CAMKMT: variants seen among roughly 807,000 people sequenced by gnomAD.
CAMKMT encodes the protein calmodulin-lysine N-methyltransferase, also known as CaM KMT.
A neutral mutation model predicts 48.0 loss-of-function variants in CAMKMT; 53 were observed. The observed-to-expected ratio is 1.10, with a 90% CI of 0.89 to 1.39. CAMKMT has a LOEUF of 1.39. Ranked by LOEUF, CAMKMT falls within the 40% of genes most tolerant of loss-of-function variation. The probability of loss-of-function intolerance (pLI) is 0.00; values close to 1 mark genes in which losing one functional copy is unlikely to be tolerated. For synonymous variants in CAMKMT, 165 were observed against 152.3 expected (o/e 1.08, Z -0.61); for missense variants, 428 against 402.7 (o/e 1.06, Z -0.54).
chr2:44,742,254 G>T (rs2104370627), intron 7 of CAMKMT, among the ~76,000 whole-genome samples: 1 of 152,284 alleles, frequency 6.6e-6, no homozygotes, highest in South Asian at 2.1e-4. Context: ...CGTAAGCATT[G>T]ATCTCTTAGG....
At chr2:44,365,041 CAT>C (rs1174641266) in intron 1 of CAMKMT, among the ~76,000 whole-genome samples, 1 of 152,196 alleles carries the variant, frequency 6.6e-6, no homozygotes, top group Non-Finnish European at 1.5e-5. Context: ...TAATCGATCA[CAT>C]ATATTAAACA....
At chr2:44,424,182 C>T (rs745900851) in intron 3 of CAMKMT, among the ~76,000 whole-genome samples, 1 of 151,984 alleles carries the variant, frequency 6.6e-6, no homozygotes, top group Non-Finnish European at 1.5e-5. Flanking sequence ...TATATATTAT[C>T]TAATGTTTCT....
At chr2:44,681,868 G>T (rs921438027) in intron 3 of CAMKMT, among the ~76,000 whole-genome samples, 2 of 152,098 alleles carry the variant, frequency 1.3e-5, no homozygotes, top group Non-Finnish European at 2.9e-5. Flanking sequence ...TTCTGCATAC[G>T]TGGGAAACGG....
At chr2:44,472,990 G>A (rs191623668) in intron 3 of CAMKMT, among the ~76,000 whole-genome samples, 1 of 152,254 alleles carries the variant, frequency 6.6e-6, no homozygotes, top group African/African-American at 2.4e-5. Flanking sequence ...CCGGGAGAGA[G>A]GAAAGATAGT....
chr2:44,665,475 G>T (rs1377939484), intron 3 of CAMKMT, among the ~76,000 whole-genome samples: 1 of 152,192 alleles, frequency 6.6e-6, no homozygotes, highest in Non-Finnish European at 1.5e-5. Context: ...AGGCCATATT[G>T]TAGAGGCCTT....
chr2:44,526,725 G>T (rs192061196), intron 3 of CAMKMT, among the ~76,000 whole-genome samples: 1 of 152,088 alleles, frequency 6.6e-6, no homozygotes. Context: ...TTTTTTTACA[G>T]TCTACTGATT....
chr2:44,581,699 T>A (rs1669573163), intron 3 of CAMKMT, among the ~76,000 whole-genome samples: 1 of 152,234 alleles, frequency 6.6e-6, no homozygotes, highest in Admixed American at 6.5e-5. Context: ...TGGCTGTTTT[T>A]AAAAAATCTA....
At chr2:44,600,212 C>T (rs1380655321) in intron 3 of CAMKMT, among the ~76,000 whole-genome samples, 2 of 151,940 alleles carry the variant, frequency 1.3e-5, no homozygotes, top group Non-Finnish European at 1.5e-5. Flanking sequence ...AAGAGATTCT[C>T]CTCAGCTTCA....
chr2:44,573,176 A>T (rs566588036), intron 3 of CAMKMT, among the ~76,000 whole-genome samples: 6 of 150,616 alleles, frequency 4.0e-5, no homozygotes, highest in Non-Finnish European at 5.9e-5. Flanking sequence ...ATCTTTTCAT[A>T]TGCTGCTATT....
chr2:44,516,169 A>G (rs1168171935), intron 3 of CAMKMT, among the ~76,000 whole-genome samples: 2 of 152,206 alleles, frequency 1.3e-5, no homozygotes, highest in African/African-American at 2.4e-5. Context: ...GTTCCAAACC[A>G]TGCCCGTTTA....
Position 44,759,458 on chromosome 2 carries a change from T to A in CAMKMT, c.762+5340T>A, listed in dbSNP as rs77732873. 3.6e-3 allele frequency among the ~76,000 whole-genome samples: 551 copies of A among 152,186 alleles called. 6 individuals are homozygous for A. The highest frequency in any genetic ancestry group is 0.021 in the East Asian group (107 of 5,188). On this transcript the variant is annotated intron_variant, in intron 9 of 10. Coordinates refer to ENST00000378494, the MANE Select transcript of CAMKMT (RefSeq NM_024766.5). ...TCAGATACTTTCTCATCTTTTTTTT[T>A]AAAAAAAGTCTAACATCTCTGCCCA...
rs1444124420 is a variant in CAMKMT, at chr2:44,518,635, G to A, written c.376+128330G>A. 2.6e-5 allele frequency among the ~76,000 whole-genome samples: 4 copies of A among 152,118 alleles called. No homozygotes were observed. The East Asian group carries it at 5.8e-4, about 22-fold the overall frequency. On this transcript the variant is annotated intron_variant, in intron 3 of 10. Transcript: ENST00000378494. ...CCCTTTGCAGAGTTTTTTAAAAACCGAAGATATGTGGAAAAGCTATTTCTC... is the reference window on the plus strand; with the variant it reads ...CCCTTTGCAGAGTTTTTTAAAAACCAAAGATATGTGGAAAAGCTATTTCTC...
At chr2:44,373,132 A>G (rs1348174155) in intron 2 of CAMKMT, among the ~76,000 whole-genome samples, 1 of 152,202 alleles carries the variant, frequency 6.6e-6, no homozygotes, top group Non-Finnish European at 1.5e-5. Flanking sequence ...TTGCAAATCA[A>G]AGGGTTCATT....
At chr2:44,463,468 T>C (rs1363465592) in intron 3 of CAMKMT, among the ~76,000 whole-genome samples, 1 of 152,108 alleles carries the variant, frequency 6.6e-6, no homozygotes, top group African/African-American at 2.4e-5. Context: ...GCTTCTGCCT[T>C]GAGAGGAAAA....
chr2:44,364,222 G>A (rs1411451326), intron 1 of CAMKMT, among the ~76,000 whole-genome samples: 1 of 152,022 alleles, frequency 6.6e-6, no homozygotes, highest in Non-Finnish European at 1.5e-5. Flanking sequence ...TGAAAACAGT[G>A]ACAAGTTTCA....
chr2:44,556,835 TG>T (rs1200322311), intron 3 of CAMKMT, among the ~76,000 whole-genome samples: 1 of 151,392 alleles, frequency 6.6e-6, no homozygotes, highest in Non-Finnish European at 1.5e-5. Context: ...CCTAGCACTT[TG>T]GGAGGCCGAA....
intron 3 of CAMKMT, among the ~76,000 whole-genome samples, chr2:44,504,128 C>A (rs1170889009): frequency 6.6e-6 from 1 of 152,042 alleles, no homozygotes; most frequent in Non-Finnish European, 1.5e-5. Flanking sequence ...GCCCTATCTT[C>A]AAATACCATC....
chr2:44,429,662 G>A (rs1191807677), intron 3 of CAMKMT, among the ~76,000 whole-genome samples: 2 of 151,610 alleles, frequency 1.3e-5, no homozygotes, highest in Admixed American at 6.6e-5. Flanking sequence ...TTAGCCGGGC[G>A]CGGTGGCGGG....
At chr2:44,388,056 A>T (rs911333936) in intron 2 of CAMKMT, among the ~76,000 whole-genome samples, 2 of 152,084 alleles carry the variant, frequency 1.3e-5, no homozygotes, top group African/African-American at 4.8e-5. Flanking sequence ...TTGTAGTTGG[A>T]TGTCTAGGTC....
Sources: allele counts gnomAD v4.1 joint callset (sites outside exome capture counted in the v4.1 genomes callset), GRCh38; gene constraint gnomAD v4.1.1; transcripts MANE v1.5; gene names NCBI Gene and HGNC (gene_info 2026-07-23, HGNC 2026-07-21).